The following CCDC12 variants were observed in gnomAD, a reference collection of about 807,000 sequenced individuals.
The protein encoded by CCDC12 is coiled-coil domain containing 12.
A neutral mutation model predicts 25.7 loss-of-function variants in CCDC12; 28 were observed. The observed-to-expected ratio is 1.09, with a 90% CI of 0.81 to 1.50. The LOEUF (loss-of-function observed/expected upper bound fraction) is 1.50, where lower values mean the gene tolerates loss of function less well. Among genes scored for constraint, CCDC12 ranks in the 40% most tolerant of loss-of-function variants. CCDC12 has a pLI of 0.00. For synonymous variants in CCDC12, 75 were observed against 87.7 expected (o/e 0.86, Z 0.81); for missense variants, 198 against 210.0 (o/e 0.94, Z 0.35).
intron 2 of CCDC12, among the ~76,000 whole-genome samples, chr3:46,938,653 C>A (rs1216943525): frequency 6.7e-6 from 1 of 150,334 alleles, no homozygotes. Context: ...GAGTTTGAGA[C>A]CAGCCTGGGC....
intron 2 of CCDC12, among the ~76,000 whole-genome samples, chr3:46,940,315 G>A (rs543419352): frequency 3.9e-5 from 6 of 152,316 alleles, no homozygotes; most frequent in East Asian, 1.9e-4. Context: ...CTGCAATCAC[G>A]AGGGAAGTGT....
intron 1 of CCDC12, among the ~76,000 whole-genome samples, chr3:46,951,798 A>AAAAAAAAAAAAAAAATATATAT: frequency 1.2e-4 from 1 of 8,468 alleles, no homozygotes; most frequent in African/African-American, 2.5e-4. Flanking sequence ...AAAAAAAAAA[A>AAAAAAAAAAAAAAAATATATAT]ATATATATAT....
intron 2 of CCDC12, among the ~76,000 whole-genome samples, chr3:46,931,779 G>A (rs1333222451): frequency 6.6e-6 from 1 of 152,198 alleles, no homozygotes; most frequent in African/African-American, 2.4e-5. Flanking sequence ...CACAGGGAAG[G>A]CCACGCCCAG....
Position 46,962,048 on chromosome 3 carries a change from T to A in CCDC12, c.96+14589A>T, listed in dbSNP as rs141527740. On this transcript the variant is annotated intron_variant, in intron 1 of 6. Coordinates refer to ENST00000683445, the MANE Select transcript of CCDC12 (RefSeq NM_001277074.2). ...CATAAAAGAATATCATCTAGACCTATATGTAGGCAACTATTTCCTTAAACA... is the reference window on the plus strand; with the variant it reads ...CATAAAAGAATATCATCTAGACCTAAATGTAGGCAACTATTTCCTTAAACA... Among the ~76,000 whole-genome samples the A allele has an allele frequency of 1.7e-3, 264 of 152,290 alleles. 4 individuals are homozygous for A. Among genetic ancestry groups the A allele is most frequent in the African/African-American group, 6.1e-3 (253 of 41,540 alleles).
rs1480867753 is a variant in CCDC12, at chr3:46,962,415, C to G, written c.96+14222G>C. Among the ~76,000 whole-genome samples the G allele has an allele frequency of 6.7e-5, 4 of 59,412 alleles. No individual in the cohort carries two copies. In the East Asian group the frequency reaches 1.5e-3, roughly 22 times the overall value. The allele number at this position is 59,412 out of a possible 152,430, so 39.0% of individuals were successfully genotyped here. On this transcript the variant is annotated intron_variant, in intron 1 of 6. Coordinates refer to ENST00000683445, the MANE Select transcript of CCDC12 (RefSeq NM_001277074.2). ...TGCCATTGCACTCCAGCCTGGGTAA[C>G]AAGAGCAAAACTCTATCTCAAAAAA...
rs547617171 is a variant in CCDC12, at chr3:46,962,855, C to T, written c.96+13782G>A. 3.3e-5 allele frequency among the ~76,000 whole-genome samples: 5 copies of T among 152,276 alleles called. No homozygotes were observed. The East Asian group carries it at 9.6e-4, about 29-fold the overall frequency. On this transcript the variant is annotated intron_variant, in intron 1 of 6. Coordinates refer to ENST00000683445, the MANE Select transcript of CCDC12 (RefSeq NM_001277074.2). ...CACCCTACGGCCTAGCAATTCCACT[C>T]CTAGGCATAGATCCTACAGATGGGT...
intron 2 of CCDC12, among the ~76,000 whole-genome samples, chr3:46,932,917 A>G (rs1208062926): frequency 1.3e-5 from 2 of 152,242 alleles, no homozygotes; most frequent in Admixed American, 6.5e-5. Flanking sequence ...GTCCAGAAAG[A>G]CTATCCAAGG....
intron 1 of CCDC12, among the ~76,000 whole-genome samples, chr3:46,961,665 T>C (rs1247285877): frequency 6.6e-6 from 1 of 152,260 alleles, no homozygotes; most frequent in East Asian, 1.9e-4. Context: ...AAGAGTTGTC[T>C]CTGCCTACAA....
intron 1 of CCDC12, among the ~76,000 whole-genome samples, chr3:46,966,984 C>CT (rs1197779558): frequency 6.6e-6 from 1 of 152,132 alleles, no homozygotes; most frequent in African/African-American, 2.4e-5. Context: ...CAGAGCGAGC[C>CT]TCAGGGCACA....
At position 46,955,201 on chromosome 3, in the gene CCDC12, C is replaced by A. The variant is rs182019065; in HGVS notation, c.97-14136G>T. 2.8e-5 allele frequency among the ~76,000 whole-genome samples: 2 copies of A among 72,160 alleles called. 1 individual carries two copies. Among genetic ancestry groups the A allele is most frequent in the Middle Eastern group, 0.011 (2 of 188 alleles). 47.3% of individuals were successfully genotyped at this position (72,160 alleles called of 152,430 possible). A position where few individuals can be genotyped will look rare whatever the true frequency, so the allele number is the denominator to read the frequency against. ...TTAAATAAACTCTTGGACTTGTCCTCGTGGGCAAGTCTGTTTTTCCTGAGG... is the reference window on the plus strand; with the variant it reads ...TTAAATAAACTCTTGGACTTGTCCTAGTGGGCAAGTCTGTTTTTCCTGAGG... On this transcript the variant is annotated intron_variant, in intron 1 of 6. Transcript: ENST00000683445.
chr3:46,929,869 A>C (rs1363930514), intron 2 of CCDC12, among the ~76,000 whole-genome samples: 2 of 151,646 alleles, frequency 1.3e-5, no homozygotes, highest in Admixed American at 6.6e-5. Context: ...CATCTCTACT[A>C]AAAAAACAAA....
intron 1 of CCDC12, chr3:46,975,948 CG>C (rs2034971447): frequency 6.7e-6 from 1 of 149,378 alleles, no homozygotes; most frequent in African/African-American, 2.5e-5. Context: ...CAGGCTCAAG[CG>C]GTTCTCCTGC....
At chr3:46,927,863 T>A (rs769592021) in intron 2 of CCDC12, among the ~76,000 whole-genome samples, 18 of 152,170 alleles carry the variant, frequency 1.2e-4, no homozygotes, top group Non-Finnish European at 2.1e-4. Context: ...GCTAAGAGAC[T>A]TCCCCTCCCT....
intron 2 of CCDC12, among the ~76,000 whole-genome samples, chr3:46,928,672 T>A (rs1488311188): frequency 2.0e-5 from 3 of 152,182 alleles, no homozygotes; most frequent in Admixed American, 2.0e-4. Context: ...AAATTCTAAA[T>A]CTAGTTAAGA....
intron 1 of CCDC12, among the ~76,000 whole-genome samples, chr3:46,973,878 C>T (rs1205986375): frequency 6.6e-6 from 1 of 152,164 alleles, no homozygotes; most frequent in African/African-American, 2.4e-5. Flanking sequence ...TCCCAAAGTG[C>T]TGGGATTACA....
At chr3:46,955,452 G>A (rs1243976403) in intron 1 of CCDC12, among the ~76,000 whole-genome samples, 1 of 152,292 alleles carries the variant, frequency 6.6e-6, no homozygotes, top group Non-Finnish European at 1.5e-5. Context: ...AATGAGAGAA[G>A]GTGGGACCCG....
intron 1 of CCDC12, among the ~76,000 whole-genome samples, chr3:46,946,458 G>A (rs1256658802): frequency 6.6e-6 from 1 of 152,268 alleles, no homozygotes; most frequent in Non-Finnish European, 1.5e-5. Flanking sequence ...AGAAGGCAGA[G>A]CATTCCTGGG....
chr3:46,947,528 C>T (rs769204313), intron 1 of CCDC12, among the ~76,000 whole-genome samples: 3 of 152,232 alleles, frequency 2.0e-5, no homozygotes, highest in Non-Finnish European at 2.9e-5. Flanking sequence ...AGAAACTGCA[C>T]AGATCTCTAC....
At chr3:46,948,781 C>T (rs1363687231) in intron 1 of CCDC12, among the ~76,000 whole-genome samples, 1 of 152,226 alleles carries the variant, frequency 6.6e-6, no homozygotes, top group African/African-American at 2.4e-5. Flanking sequence ...CACGGCCCTG[C>T]CCAGATATCC....
Sources: allele counts gnomAD v4.1 joint callset (sites outside exome capture counted in the v4.1 genomes callset), GRCh38; gene constraint gnomAD v4.1.1; transcripts MANE v1.5; gene names NCBI Gene and HGNC (gene_info 2026-07-23, HGNC 2026-07-21).